Variants in EXOC4 observed in about 807,000 individuals in gnomAD.
EXOC4 encodes SEC8-like 1.
In EXOC4, 71 loss-of-function variants were observed where a neutral mutation model predicts 107.2. The observed-to-expected ratio is 0.66, with a 90% CI of 0.55 to 0.81. The LOEUF is 0.81. Ranked by LOEUF, EXOC4 falls within the 30% of genes least tolerant of loss-of-function variation. The pLI, the probability that EXOC4 is intolerant of heterozygous loss-of-function variation, is 0.00. For synonymous variants in EXOC4, 456 were observed against 441.2 expected, an observed-to-expected ratio of 1.03 and a Z score of -0.42; for missense variants, 1,108 against 1,189.6, an observed-to-expected ratio of 0.93 and a Z score of 1.01.
chr7:134,087,428 C>T, the EXOC4 span, among the ~76,000 whole-genome samples: 1 of 152,172 alleles, frequency 6.6e-6, no homozygotes, highest in Non-Finnish European at 1.5e-5. Flanking sequence ...AATAAGTGTT[C>T]AATTTAAGAA....
chr7:133,953,103 C>T (rs1047585737), intron 14 of EXOC4, among the ~76,000 whole-genome samples: 7 of 152,240 alleles, frequency 4.6e-5, no homozygotes, highest in Non-Finnish European at 5.9e-5. Context: ...ATATAAGTGA[C>T]GTCTTCTGAA....
At chr7:134,027,655 T>TC (rs1554437253) in intron 17 of EXOC4, among the ~76,000 whole-genome samples, 5 of 9,858 alleles carry the variant, frequency 5.1e-4, no homozygotes, top group Non-Finnish European at 9.9e-4. Context: ...AGACTCCATC[T>TC]CAAAAAAAAA....
rs959269761 is a variant in EXOC4 at position 134,060,147 on chromosome 7, G to C, written c.2688-4144G>C. ...GTTATGTTCTAGACTCTGCACATGA[G>C]ACCAGTCTGTGAAGTCACACCTCCT... On this transcript the variant is annotated intron_variant, in intron 17 of 17. Coordinates refer to ENST00000253861, the MANE Select transcript of EXOC4 (RefSeq NM_021807.4). Among the ~76,000 whole-genome samples the C allele has an allele frequency of 5.3e-5, 8 of 152,120 alleles. No homozygotes were observed. In the East Asian group the frequency reaches 9.6e-4, roughly 18 times the overall value.
At chr7:133,649,046 A>T (rs1803066826) in intron 10 of EXOC4, among the ~76,000 whole-genome samples, 2 of 152,238 alleles carry the variant, frequency 1.3e-5, no homozygotes, top group South Asian at 4.1e-4. Context: ...TCAGTATACC[A>T]CTCATACAGG....
intron 10 of EXOC4, among the ~76,000 whole-genome samples, chr7:133,686,953 C>T (rs566476757): frequency 6.6e-5 from 10 of 150,714 alleles, no homozygotes; most frequent in African/African-American, 2.2e-4. Flanking sequence ...ATACAGAAAC[C>T]AGCCCAAATG....
intron 10 of EXOC4, among the ~76,000 whole-genome samples, chr7:133,736,935 ATTGTTT>A (rs1795456382): frequency 6.6e-6 from 1 of 152,126 alleles, no homozygotes; most frequent in South Asian, 2.1e-4. Flanking sequence ...TCTTGCTGAA[ATTGTTT>A]TTGTTTTTTC....
At chr7:133,450,426 G>A (rs1252457872) in intron 7 of EXOC4, among the ~76,000 whole-genome samples, 1 of 152,198 alleles carries the variant, frequency 6.6e-6, no homozygotes, top group African/African-American at 2.4e-5. Context: ...GCCTCCCAAA[G>A]TACTGGGATT....
chr7:133,392,611 T>C (rs1457792746), intron 7 of EXOC4, among the ~76,000 whole-genome samples: 1 of 152,176 alleles, frequency 6.6e-6, no homozygotes, highest in Non-Finnish European at 1.5e-5. Context: ...TTTAGCAGAC[T>C]AGGAGACCAC....
At chr7:133,458,897 T>G (rs1039673454) in intron 7 of EXOC4, among the ~76,000 whole-genome samples, 1 of 118,678 alleles carries the variant, frequency 8.4e-6, no homozygotes, top group African/African-American at 3.2e-5. Flanking sequence ...GGGCAATATA[T>G]TCTCAACTTC....
chr7:133,679,360 T>C (rs1296676408), intron 10 of EXOC4, among the ~76,000 whole-genome samples: 1 of 152,188 alleles, frequency 6.6e-6, no homozygotes, highest in East Asian at 1.9e-4. Flanking sequence ...TTAATAATAC[T>C]TTTCAGTTCT....
At chr7:133,297,623 G>A (rs990797869) in intron 3 of EXOC4, among the ~76,000 whole-genome samples, 5 of 152,132 alleles carry the variant, frequency 3.3e-5, no homozygotes, top group Admixed American at 6.6e-5. Flanking sequence ...TTATAGAATG[G>A]TTATGAGAAT....
intron 10 of EXOC4, among the ~76,000 whole-genome samples, chr7:133,720,409 G>A (rs1795083312): frequency 6.6e-6 from 1 of 152,078 alleles, no homozygotes; most frequent in Admixed American, 6.6e-5. Flanking sequence ...TCATAATTAT[G>A]AGATTGCAAG....
chr7:133,889,123 G>GT (rs909953337), intron 11 of EXOC4, among the ~76,000 whole-genome samples: 1 of 152,102 alleles, frequency 6.6e-6, no homozygotes, highest in Non-Finnish European at 1.5e-5. Flanking sequence ...ATCATGGAAG[G>GT]TTTTTTCTTT....
chr7:133,946,544 G>A (rs759486896), intron 14 of EXOC4, among the ~76,000 whole-genome samples: 1 of 152,132 alleles, frequency 6.6e-6, no homozygotes, highest in Non-Finnish European at 1.5e-5. Flanking sequence ...TTCATTTTCA[G>A]TCTTAAATGT....
At position 133,812,234 on chromosome 7, in the gene EXOC4, G is replaced by A. The variant is rs747962582; in HGVS notation, c.1515-5091G>A. Among the ~76,000 whole-genome samples the A allele has an allele frequency of 4.6e-5, 7 of 152,030 alleles. 1 individual carries two copies. Among genetic ancestry groups the A allele is most frequent in the African/African-American group, 1.7e-4 (7 of 41,408 alleles). On this transcript the variant is annotated intron_variant, in intron 10 of 17. Coordinates refer to ENST00000253861, the MANE Select transcript of EXOC4 (RefSeq NM_021807.4). Reference sequence around the variant, plus strand: ...ATGTAAGATAGTAATTCTAAAAACCGCAGCAGCACCATTTACTAAGCAGTT... The same window carrying A: ...ATGTAAGATAGTAATTCTAAAAACCACAGCAGCACCATTTACTAAGCAGTT...
chr7:133,569,891 C>T (rs1360160189), intron 9 of EXOC4, among the ~76,000 whole-genome samples: 9 of 152,154 alleles, frequency 5.9e-5, no homozygotes, highest in Admixed American at 2.6e-4. Context: ...TCTCTGTCAC[C>T]GTTGGAATAT....
At chr7:133,629,925 G>A (rs1802549131) in intron 9 of EXOC4, 120 bp from the exon 10 acceptor site, 1 of 669,382 alleles carries the variant, frequency 1.5e-6, no homozygotes, top group Non-Finnish European at 2.7e-6. Flanking sequence ...CATACCGAAG[G>A]TTACTGTTTG....
chr7:133,634,810 G>A (rs1802669290), intron 10 of EXOC4, among the ~76,000 whole-genome samples: 1 of 152,080 alleles, frequency 6.6e-6, no homozygotes, highest in African/African-American at 2.4e-5. Flanking sequence ...CAGTGTTTCT[G>A]CCTGTGGGTC....
At chr7:133,684,673 T>C (rs576400171) in intron 10 of EXOC4, among the ~76,000 whole-genome samples, 1 of 152,180 alleles carries the variant, frequency 6.6e-6, no homozygotes, top group Non-Finnish European at 1.5e-5. Flanking sequence ...ATAAACTTCT[T>C]TTTAAAAAAG....
Sources: allele counts gnomAD v4.1 joint callset (sites outside exome capture counted in the v4.1 genomes callset), GRCh38; gene constraint gnomAD v4.1.1; transcripts MANE v1.5; gene names NCBI Gene and HGNC (gene_info 2026-07-23, HGNC 2026-07-21).